The following BAHCC1 variants were observed in gnomAD, a reference collection of about 807,000 sequenced individuals.
BAHCC1 encodes BAH and coiled-coil domain-containing protein 1.
BAHCC1 carries 43 observed loss-of-function variants against 88.2 expected under a neutral mutation model. That is an observed-to-expected ratio of 0.49 (90% CI 0.38 to 0.63). BAHCC1 has a LOEUF of 0.63. Among genes scored for constraint, BAHCC1 ranks in the 20% least tolerant of loss-of-function variants. The probability of loss-of-function intolerance (pLI) is 0.00; values close to 1 mark genes in which losing one functional copy is unlikely to be tolerated. For synonymous variants in BAHCC1, 1,510 were observed against 745.5 expected, an observed-to-expected ratio of 2.03 and a Z score of -16.71; for missense variants, 3,023 against 1,654.8, an observed-to-expected ratio of 1.83 and a Z score of -14.34.
intron 22 of BAHCC1, 24 bp downstream of exon 22, chr17:81,459,352 C>T (rs782727739): frequency 5.6e-5 from 43 of 773,166 alleles, no homozygotes; most frequent in African/African-American, 1.4e-4. Context: ...CGGCCCGCCC[C>T]GGGGAGGGGC....
chr17:81,449,140 G>T (rs943115710), intron 11 of BAHCC1, among the ~76,000 whole-genome samples: 21 of 152,150 alleles, frequency 1.4e-4, no homozygotes, highest in African/African-American at 5.1e-4. Flanking sequence ...CACGTGTCCC[G>T]GGTGGTGGGC....
Position 81,435,173 on chromosome 17 carries a change from A to C in BAHCC1, c.359-3197A>C, listed in dbSNP as rs2143466067. ...ACAGGCCTCCTACCTGCAACCCTTG[A>C]CCTCCCCAGACGTGGTGAGCTCAGG... On this transcript the variant is annotated intron_variant, in intron 3 of 27. Coordinates refer to ENST00000675386, the MANE Select transcript of BAHCC1 (RefSeq NM_001377448.1). The surrounding 1 kb of genome is among the most constrained non-coding windows in gnomAD (Gnocchi z 4.4). 6.6e-6 allele frequency among the ~76,000 whole-genome samples: 1 copy of C among 150,996 alleles called. No individual in the cohort carries two copies. The highest frequency in any genetic ancestry group is 1.5e-5 in the Non-Finnish European group (1 of 67,678).
intron 2 of BAHCC1, among the ~76,000 whole-genome samples, chr17:81,425,477 TGTGATGTGGTTGGTG>T (rs1568007524): frequency 9.6e-5 from 3 of 31,336 alleles, no homozygotes; most frequent in African/African-American, 2.2e-4. Context: ...ATGTGGTTGG[TGTGATGTGGTTGGTG>T]GGTGATGTGG....
intron 2 of BAHCC1, among the ~76,000 whole-genome samples, 159 bp from the exon 3 acceptor site, chr17:81,426,641 T>G (rs1477311261): frequency 6.6e-6 from 1 of 151,916 alleles, no homozygotes; most frequent in Admixed American, 6.6e-5. Flanking sequence ...GGGGTAACCT[T>G]TCCCATCATC....
intron 3 of BAHCC1, among the ~76,000 whole-genome samples, chr17:81,431,323 C>G (rs888288290): frequency 7.0e-4 from 104 of 148,634 alleles, no homozygotes; most frequent in African/African-American, 2.5e-3. Flanking sequence ...TGGCAGTTCC[C>G]AACCCCCAGC....
intron 2 of BAHCC1, chr17:81,415,473 G>C: frequency 2.0e-6 from 1 of 498,470 alleles, no homozygotes; most frequent in Admixed American, 2.1e-5. Flanking sequence ...TGTGGTTGGA[G>C]CCAGCTGTAC....
At chr17:81,414,661 G>A (rs1158135580) in intron 2 of BAHCC1, among the ~76,000 whole-genome samples, 1 of 152,214 alleles carries the variant, frequency 6.6e-6, no homozygotes, top group Non-Finnish European at 1.5e-5. Flanking sequence ...ACGTGGGTCC[G>A]TGCGGCAGGA....
At chr17:81,458,502 TG>T in intron 18 of BAHCC1, 36 bp downstream of exon 18, 1 of 667,482 alleles carries the variant, frequency 1.5e-6, no homozygotes, top group Non-Finnish European at 2.8e-6. Flanking sequence ...GCGGAGAGGG[TG>T]GGTGCCTGTG....
chr17:81,437,739 C>T (rs1471211364), intron 3 of BAHCC1, among the ~76,000 whole-genome samples: 2 of 152,064 alleles, frequency 1.3e-5, no homozygotes, highest in South Asian at 2.1e-4. Context: ...TCGGAGTCAC[C>T]GCCTGGGGTT....
rs1555657922 is a variant in BAHCC1, at chr17:81,458,255, C to T, written c.5132C>T (p.Pro1711Leu). The change falls in exon 18 of 28, where the codon CCA (proline) becomes CTA (leucine). Residue 1711 changes from proline (P) to leucine (L), a missense_variant. Transcript: ENST00000675386. ...GTGGGCACCACCCTGGAGCGGGCCCCAGGGCAGAGGCCCCCAGGTGCGCTG... is the reference window on the plus strand; with the variant it reads ...GTGGGCACCACCCTGGAGCGGGCCCTAGGGCAGAGGCCCCCAGGTGCGCTG... ...AKVGTTLERA[P>L]GQRPPGALGK... 1.3e-6 allele frequency: 1 copy of T among 744,102 alleles called. No homozygotes were observed. The allele number at this position is 744,102 out of a possible 1,614,324, so 46.1% of individuals were successfully genotyped here. A position where few individuals can be genotyped will look rare whatever the true frequency, so the allele number is the denominator to read the frequency against.
chr17:81,462,110 C>A (rs1192275550), intron 26 of BAHCC1, 64 bp downstream of exon 26: 3 of 664,608 alleles, frequency 4.5e-6, no homozygotes, highest in African/African-American at 3.6e-5. Context: ...GGCTCATGCG[C>A]CCCTGCTGCC....
chr17:81,415,065 C>T (rs1369105882), intron 2 of BAHCC1, among the ~76,000 whole-genome samples: 1 of 145,412 alleles, frequency 6.9e-6, no homozygotes, highest in East Asian at 1.9e-4. Flanking sequence ...CTGCCCTTCC[C>T]GCCCCGGCCC....
intron 2 of BAHCC1, chr17:81,415,516 G>A (rs2064009133): frequency 3.9e-6 from 2 of 514,736 alleles, no homozygotes. Context: ...AACAGAAAAT[G>A]GCACTTTAGT....
At chr17:81,406,001 C>T (rs2063873799) in intron 2 of BAHCC1, among the ~76,000 whole-genome samples, 1 of 152,252 alleles carries the variant, frequency 6.6e-6, no homozygotes, top group South Asian at 2.1e-4. Flanking sequence ...GCAGCAGGGC[C>T]AGCCTCTGCC....
At position 81,411,102 on chromosome 17, in the gene BAHCC1, C is replaced by T. The variant is rs1555647766; in HGVS notation, c.178+11185C>T. 3.9e-6 allele frequency: 2 copies of T among 519,454 alleles called. No homozygotes were observed. The highest frequency in any genetic ancestry group is 1.4e-5 in the South Asian group (1 of 71,580). The allele number at this position is 519,454 out of a possible 1,614,324, so 32.2% of individuals were successfully genotyped here. On this transcript the variant is annotated intron_variant, in intron 2 of 27. Coordinates refer to ENST00000675386, the MANE Select transcript of BAHCC1 (RefSeq NM_001377448.1). The surrounding 1 kb of genome is among the most constrained non-coding windows in gnomAD (Gnocchi z 6.2). ...CTCTCTGGGGTCACGCTCCCTTGTTCTCAGTCCCGCAGCCGTCCTCTGCGT... is the reference window on the plus strand; with the variant it reads ...CTCTCTGGGGTCACGCTCCCTTGTTTTCAGTCCCGCAGCCGTCCTCTGCGT...
At chr17:81,405,718 G>A (rs1598451200) in intron 2 of BAHCC1, among the ~76,000 whole-genome samples, 2 of 152,222 alleles carry the variant, frequency 1.3e-5, no homozygotes, top group Admixed American at 6.5e-5. Flanking sequence ...CCTTCCTTCT[G>A]GAAGAGGCTT....
rs1598524084 is a variant in BAHCC1 at position 81,466,211 on chromosome 17, A to G, written c.*2394A>G. 6.6e-6 allele frequency: 1 copy of G among 152,662 alleles called. No individual in the cohort carries two copies. The highest frequency in any genetic ancestry group is 1.9e-4 in the East Asian group (1 of 5,180). 9.5% of individuals were successfully genotyped at this position (152,662 alleles called of 1,614,324 possible). A position where few individuals can be genotyped will look rare whatever the true frequency, so the allele number is the denominator to read the frequency against. On this transcript the variant is annotated 3_prime_UTR_variant, in exon 28 of 28. Transcript: ENST00000675386. Reference sequence around the variant, plus strand: ...TTTTTTCAATGTAAACACTAAAAACAAAATGGACAAAAAAACACACAAAGG... The same window carrying G: ...TTTTTTCAATGTAAACACTAAAAACGAAATGGACAAAAAAACACACAAAGG...
At chr17:81,454,963 T>C (rs2064719543) in intron 14 of BAHCC1, among the ~76,000 whole-genome samples, 2 of 152,166 alleles carry the variant, frequency 1.3e-5, no homozygotes, top group Admixed American at 1.3e-4. Flanking sequence ...AAGGATGGGA[T>C]TTGGGTAACA....
chr17:81,463,944 C>A lies in BAHCC1; in HGVS notation c.*127C>A. On this transcript the variant is annotated 3_prime_UTR_variant, in exon 28 of 28. Transcript: ENST00000675386. ...GCGCATCTGAGCAAATATGCAAAAG[C>A]CCACAGGGCAAGACCCAGGCTTTCT... 1.6e-6 allele frequency: 1 copy of A among 643,110 alleles called. No individual in the cohort carries two copies. The highest frequency in any genetic ancestry group is 2.8e-6 in the Non-Finnish European group (1 of 356,016). The allele number at this position is 643,110 out of a possible 1,614,324, so 39.8% of individuals were successfully genotyped here. A position where few individuals can be genotyped will look rare whatever the true frequency, so the allele number is the denominator to read the frequency against.
Sources: gnomAD v4.1 joint callset for allele counts (sites outside exome capture counted in the v4.1 genomes callset) on GRCh38, gnomAD v4.1.1 for gene constraint, Gnocchi (gnomAD v3.1) non-coding constraint, MANE v1.5 for transcripts, NCBI Gene and HGNC (gene_info 2026-07-23, HGNC 2026-07-21) for gene names.